Variants in IQGAP2 observed in about 807,000 individuals in gnomAD.
IQGAP2 encodes the protein ras GTPase-activating-like protein IQGAP2.
In IQGAP2, 173 loss-of-function variants were observed where a neutral mutation model predicts 201.3. The observed-to-expected ratio is 0.86, with a 90% confidence interval of 0.76 to 0.98. IQGAP2 has a LOEUF of 0.98. Among genes scored for constraint, IQGAP2 ranks in the 50% least tolerant of loss-of-function variants. The probability of loss-of-function intolerance (pLI) is 0.00; values close to 1 mark genes in which losing one functional copy is unlikely to be tolerated. For synonymous variants in IQGAP2, 675 were observed against 673.9 expected, an observed-to-expected ratio of 1.00 and a Z score of -0.03; for missense variants, 1,687 against 1,864.8, an observed-to-expected ratio of 0.90 and a Z score of 1.76.
At chr5:76,462,677 CT>C (rs1754532769) in intron 2 of IQGAP2, among the ~76,000 whole-genome samples, 1 of 152,162 alleles carries the variant, frequency 6.6e-6, no homozygotes, top group Non-Finnish European at 1.5e-5. Context: ...TTAATTATCT[CT>C]GATCACTGAT....
chr5:76,501,509 G>A (rs1757271200), intron 2 of IQGAP2, among the ~76,000 whole-genome samples: 1 of 152,072 alleles, frequency 6.6e-6, no homozygotes, highest in South Asian at 2.1e-4. Context: ...AGAGTCTATA[G>A]TGTTGGGTTG....
At chr5:76,562,696 G>A in intron 3 of IQGAP2, 144 bp downstream of exon 3, 1 of 681,338 alleles carries the variant, frequency 1.5e-6, no homozygotes, top group African/African-American at 1.8e-5. Context: ...TAGCATTCCT[G>A]AGGCAGCAGC....
intron 13 of IQGAP2, chr5:76,618,086 G>A: frequency 6.2e-7 from 1 of 1,614,170 alleles, no homozygotes; most frequent in Non-Finnish European, 8.5e-7. Context: ...AGGCATAGGT[G>A]TGCTTGGGCA....
At position 76,704,492 on chromosome 5, in the gene IQGAP2, A is replaced by G. The variant is rs538865956; in HGVS notation, c.4614+1902A>G. On this transcript the variant is annotated intron_variant, in intron 35 of 35. Transcript: ENST00000274364. ...GATTAGCTGTTCATACCATTCATTT[A>G]TACACATAATGGATTGTGAAATGTT... 2.0e-5 allele frequency among the ~76,000 whole-genome samples: 3 copies of G among 152,360 alleles called. No individual in the cohort carries two copies. In the East Asian group the frequency reaches 5.8e-4, roughly 29 times the overall value.
At chr5:76,477,628 T>C (rs1333084925) in intron 2 of IQGAP2, among the ~76,000 whole-genome samples, 1 of 152,238 alleles carries the variant, frequency 6.6e-6, no homozygotes, top group Non-Finnish European at 1.5e-5. Context: ...TATGTTTTTA[T>C]GTTATTTTTA....
At chr5:76,663,544 A>C (rs1743460961) in intron 21 of IQGAP2, among the ~76,000 whole-genome samples, 1 of 152,234 alleles carries the variant, frequency 6.6e-6, no homozygotes, top group African/African-American at 2.4e-5. Flanking sequence ...TAAAAGTGGA[A>C]TAGAATAAAA....
At chr5:76,411,716 C>G (rs943500937) in intron 1 of IQGAP2, among the ~76,000 whole-genome samples, 1 of 152,146 alleles carries the variant, frequency 6.6e-6, no homozygotes, top group Non-Finnish European at 1.5e-5. Context: ...CAGAACTGTG[C>G]GGAAACAAAT....
rs200616670 is a variant in IQGAP2, at chr5:76,673,542, C to T, written c.3162C>T (p.Val1054=). 1.3e-4 allele frequency: 209 copies of T among 1,613,930 alleles called. 1 individual carries two copies. Among genetic ancestry groups the T allele is most frequent in the Non-Finnish European group, 1.7e-4 (198 of 1,179,936 alleles). ...CTTCCATTGAGAACCTGAGAAGGGTCACCGACAAAGTCCTGAATTCTATCA... is the reference window on the plus strand; with the variant it reads ...CTTCCATTGAGAACCTGAGAAGGGTTACCGACAAAGTCCTGAATTCTATCA... ...LEASIENLRR[V]TDKVLNSIIS... The change falls in exon 25 of 36, where the codon GTC becomes GTT. Residue 1054 remains valine (V), a synonymous_variant. Coordinates refer to ENST00000274364, the MANE Select transcript of IQGAP2 (RefSeq NM_006633.5).
At chr5:76,619,205 G>A (rs377189441) in intron 13 of IQGAP2, among the ~76,000 whole-genome samples, 40 of 152,334 alleles carry the variant, frequency 2.6e-4, no homozygotes, top group African/African-American at 8.9e-4. Flanking sequence ...CTATCTGTAA[G>A]TAATGCTACT....
intron 1 of IQGAP2, among the ~76,000 whole-genome samples, chr5:76,460,025 A>G (rs1015514209): frequency 3.3e-5 from 5 of 152,188 alleles, no homozygotes; most frequent in Non-Finnish European, 5.9e-5. Flanking sequence ...GTTTTTCTGT[A>G]CGCGCAGAGT....
At chr5:76,467,987 A>G (rs1194143299) in intron 2 of IQGAP2, among the ~76,000 whole-genome samples, 4 of 152,140 alleles carry the variant, frequency 2.6e-5, no homozygotes, top group Non-Finnish European at 5.9e-5. Context: ...GCTACTGGGT[A>G]TGGGATTTCT....
At chr5:76,623,148 C>G (rs79814375) in intron 13 of IQGAP2, 1 of 1,613,320 alleles carries the variant, frequency 6.2e-7, no homozygotes, top group African/African-American at 1.3e-5. Context: ...CCATCCTACC[C>G]CCTGAGAAAA....
In IQGAP2 at chr5:76,654,230, AG is replaced by A. The variant is rs767574400; in HGVS notation, c.2210del (p.Arg737LysfsTer19). On this transcript the variant is annotated frameshift_variant, in exon 19 of 36. Coordinates refer to ENST00000274364, the MANE Select transcript of IQGAP2 (RefSeq NM_006633.5). LOFTEE classifies it high-confidence loss of function. ...IQSWFRMATA[R>X]KSYLSRLQYF... is the part of the protein sequence containing the mutation. The stretch of plus-strand genomic sequence containing the variant: ...GTCCTGGTTCCGAATGGCAACTGCA[AG>A]AAAGAGCTATCTTTCAAGACTACAG... 4 of 1,611,354 alleles carry A rather than the reference AG, an allele frequency of 2.5e-6. No homozygotes were observed. Among genetic ancestry groups the A allele is most frequent in the Middle Eastern group, 1.7e-4 (1 of 6,038 alleles).
At chr5:76,551,479 G>T (rs376725013) in intron 2 of IQGAP2, among the ~76,000 whole-genome samples, 1 of 152,030 alleles carries the variant, frequency 6.6e-6, no homozygotes, top group Non-Finnish European at 1.5e-5. Flanking sequence ...CTGCAATCTC[G>T]GCACTTTGGG....
At chr5:76,493,695 TG>T (rs1756706759) in intron 2 of IQGAP2, among the ~76,000 whole-genome samples, 2 of 152,218 alleles carry the variant, frequency 1.3e-5, no homozygotes, top group African/African-American at 4.8e-5. Context: ...AATCAGCTTC[TG>T]TTTTGTTTAA....
At chr5:76,563,230 T>C (rs1744505287) in intron 3 of IQGAP2, among the ~76,000 whole-genome samples, 1 of 152,050 alleles carries the variant, frequency 6.6e-6, no homozygotes, top group East Asian at 1.9e-4. Flanking sequence ...ACCCTGTCTC[T>C]AAGATAATAA....
At chr5:76,420,374 CT>C (rs36086215) in intron 1 of IQGAP2, among the ~76,000 whole-genome samples, 39,714 of 121,888 alleles carry the variant, frequency 0.33, 4,536 homozygotes, top group East Asian at 0.43. Context: ...ATCTTTGGAA[CT>C]TTTTTTTTTT....
Position 76,648,278 on chromosome 5 carries a change from A to T in IQGAP2, c.2095-4472A>T, listed in dbSNP as rs946217631. ...CTTTTTTTCTCTTCACCTTTAAGAG[A>T]GTTATGTTTGTTTATATAGACAGAA... On this transcript the variant is annotated intron_variant, in intron 17 of 35. Coordinates refer to ENST00000274364, the MANE Select transcript of IQGAP2 (RefSeq NM_006633.5). 7.9e-5 allele frequency among the ~76,000 whole-genome samples: 12 copies of T among 152,034 alleles called. 1 individual carries two copies. Among genetic ancestry groups the T allele is most frequent in the Non-Finnish European group, 1.6e-4 (11 of 68,008 alleles).
At chr5:76,526,344 G>A (rs1758973445) in intron 2 of IQGAP2, among the ~76,000 whole-genome samples, 5 of 152,172 alleles carry the variant, frequency 3.3e-5, no homozygotes, top group Admixed American at 3.3e-4. Flanking sequence ...TGAGAGGTAG[G>A]GGCAGACTTT....
Sources: gnomAD v4.1 joint callset for allele counts (sites outside exome capture counted in the v4.1 genomes callset) on GRCh38, gnomAD v4.1.1 for gene constraint, MANE v1.5 for transcripts, NCBI Gene and HGNC (gene_info 2026-07-23, HGNC 2026-07-21) for gene names.